Variants in CCDC126 observed in about 807,000 individuals in gnomAD.
CCDC126 encodes coiled-coil domain containing 126, also known as coiled-coil domain-containing protein 126.
Under a neutral mutation model 11.7 loss-of-function variants are expected in CCDC126, and 5 were observed. The observed-to-expected ratio is 0.43, with a 90% confidence interval of 0.22 to 0.90. The LOEUF is 0.90. CCDC126 is among the 40% of genes least tolerant of loss of function. The probability of loss-of-function intolerance (pLI) is 0.27; values close to 1 mark genes in which losing one functional copy is unlikely to be tolerated. For synonymous variants in CCDC126, 60 were observed against 61.9 expected, an observed-to-expected ratio of 0.97 and a Z score of 0.14; for missense variants, 150 against 163.1, an observed-to-expected ratio of 0.92 and a Z score of 0.44.
At chr7:23,611,121 G>A in intron 2 of CCDC126, 50 bp from the exon 3 acceptor site, 1 of 488,096 alleles carries the variant, frequency 2.0e-6, no homozygotes, top group Non-Finnish European at 3.6e-6. Flanking sequence ...CGTCTGTTCT[G>A]TTACTGATAC....
At chr7:23,636,499 A>G (rs1783216875) in intron 3 of CCDC126, among the ~76,000 whole-genome samples, 2 of 125,858 alleles carry the variant, frequency 1.6e-5, no homozygotes, top group African/African-American at 3.1e-5. Flanking sequence ...TGTGGGGAGC[A>G]CCTCTGCCCC....
At chr7:23,600,459 A>G (rs1038935427) in intron 2 of CCDC126, among the ~76,000 whole-genome samples, 3 of 141,402 alleles carry the variant, frequency 2.1e-5, no homozygotes, top group Admixed American at 7.7e-5. Context: ...CCCTGAAATT[A>G]CATTCCGGGG....
chr7:23,619,154 G>A (rs1562493634), intron 3 of CCDC126, among the ~76,000 whole-genome samples: 1 of 152,148 alleles, frequency 6.6e-6, no homozygotes, highest in Admixed American at 6.5e-5. Flanking sequence ...CTGCAGTGGG[G>A]GAGGTTTTGG....
chr7:23,633,611 C>A (rs752032179), intron 3 of CCDC126, among the ~76,000 whole-genome samples: 10 of 152,140 alleles, frequency 6.6e-5, no homozygotes, highest in Non-Finnish European at 1.0e-4. Flanking sequence ...TGCCTGTAAT[C>A]CTAGCACTTT....
chr7:23,619,162 TG>T (rs1782845435), intron 3 of CCDC126, among the ~76,000 whole-genome samples: 1 of 152,144 alleles, frequency 6.6e-6, no homozygotes, highest in African/African-American at 2.4e-5. Flanking sequence ...GGGGAGGTTT[TG>T]GAGTGGTGCA....
intron 3 of CCDC126, among the ~76,000 whole-genome samples, chr7:23,634,737 C>T (rs1783177422): frequency 6.6e-6 from 1 of 152,098 alleles, no homozygotes; most frequent in Non-Finnish European, 1.5e-5. Context: ...ATTTTTTCCC[C>T]TCCGTCTCTT....
At chr7:23,633,401 A>G (rs1783149278) in intron 3 of CCDC126, among the ~76,000 whole-genome samples, 1 of 151,792 alleles carries the variant, frequency 6.6e-6, no homozygotes, top group South Asian at 2.2e-4. Flanking sequence ...AAGATTAAAC[A>G]ATGAATGTAC....
At chr7:23,602,429 C>T (rs968124091) in intron 2 of CCDC126, among the ~76,000 whole-genome samples, 1 of 152,184 alleles carries the variant, frequency 6.6e-6, no homozygotes, top group African/African-American at 2.4e-5. Flanking sequence ...ACCACCATAT[C>T]AGATCATTAC....
intron 3 of CCDC126, among the ~76,000 whole-genome samples, chr7:23,620,901 T>G (rs1340543559): frequency 6.6e-6 from 1 of 152,224 alleles, no homozygotes; most frequent in Non-Finnish European, 1.5e-5. Flanking sequence ...ATGTGTGGTA[T>G]TATTTCTGAG....
chr7:23,612,997 A>C (rs1342093910), intron 3 of CCDC126, among the ~76,000 whole-genome samples: 2 of 152,076 alleles, frequency 1.3e-5, no homozygotes, highest in Non-Finnish European at 2.9e-5. Flanking sequence ...CATTTTCTCT[A>C]TTTCAGTTTT....
chr7:23,628,801 A>C (rs559708775), intron 3 of CCDC126, among the ~76,000 whole-genome samples: 2 of 152,130 alleles, frequency 1.3e-5, no homozygotes, highest in Non-Finnish European at 2.9e-5. Flanking sequence ...GAGTCAGGAC[A>C]TTCATCATCC....
intron 2 of CCDC126, among the ~76,000 whole-genome samples, chr7:23,606,903 C>T (rs986290445): frequency 6.6e-6 from 1 of 151,558 alleles, no homozygotes; most frequent in Non-Finnish European, 1.5e-5. Flanking sequence ...TGAGACCAGA[C>T]TGGGCAACGT....
chr7:23,622,461 T>A (rs1477167482), intron 3 of CCDC126: 2 of 406,718 alleles, frequency 4.9e-6, no homozygotes, highest in Non-Finnish European at 9.8e-6. Flanking sequence ...TCTATTTGAC[T>A]CTTCTCTGAT....
intron 1 of CCDC126, 160 bp downstream of exon 1, chr7:23,597,765 G>A (rs1448729435): frequency 6.6e-6 from 1 of 152,102 alleles, no homozygotes; most frequent in Non-Finnish European, 1.5e-5. Context: ...GGCAGCCTCC[G>A]GCCGCGGCCG....
chr7:23,598,224 T>C (rs1782463238), intron 2 of CCDC126, 173 bp downstream of exon 2: 1 of 152,206 alleles, frequency 6.6e-6, no homozygotes, highest in African/African-American at 2.4e-5. Context: ...CACACACCTG[T>C]AAGTGGTTAG....
chr7:23,638,152 C>T (rs1172033375), intron 3 of CCDC126, among the ~76,000 whole-genome samples: 16 of 150,906 alleles, frequency 1.1e-4, no homozygotes, highest in Non-Finnish European at 1.8e-4. Context: ...GCGCTTCTGC[C>T]CGGCCGCCCC....
chr7:23,632,214 C>T (rs1299174690), intron 3 of CCDC126, among the ~76,000 whole-genome samples: 1 of 152,030 alleles, frequency 6.6e-6, no homozygotes, highest in Non-Finnish European at 1.5e-5. Flanking sequence ...CCACCTCAGC[C>T]TTCCAAGTAG....
In CCDC126 at chr7:23,623,140, ATT is replaced by A. The variant is rs34633589; in HGVS notation, c.238+11603_238+11604del. Among the ~76,000 whole-genome samples, 1,051 of 135,258 alleles carry A rather than the reference ATT, an allele frequency of 7.8e-3. 7 individuals carry two copies. Among genetic ancestry groups the A allele is most frequent in the African/African-American group, 0.021 (770 of 36,342 alleles). 88.7% of individuals were successfully genotyped at this position (135,258 alleles called of 152,430 possible). A position where few individuals can be genotyped will look rare whatever the true frequency, so the allele number is the denominator to read the frequency against. On this transcript the variant is annotated intron_variant, in intron 3 of 3. Coordinates refer to ENST00000307471, the MANE Select transcript of CCDC126 (RefSeq NM_138771.4). ...AGGCTCGCGCCACTATGCCCAGCTG[ATT>A]TTTTTTTTTTTTTTTGGTATTTTTA...
chr7:23,630,718 C>CAAAA (rs775279967), intron 3 of CCDC126, among the ~76,000 whole-genome samples: 4 of 25,524 alleles, frequency 1.6e-4, no homozygotes, highest in African/African-American at 2.6e-4. Context: ...GACCCTATCT[C>CAAAA]AAAAAAAAAA....
Sources: allele counts gnomAD v4.1 joint callset (sites outside exome capture counted in the v4.1 genomes callset), GRCh38; gene constraint gnomAD v4.1.1; transcripts MANE v1.5; gene names NCBI Gene and HGNC (gene_info 2026-07-23, HGNC 2026-07-21).